Variants in CNTNAP2 observed in about 807,000 individuals in gnomAD.
CNTNAP2 encodes the protein contactin associated protein 2, also known as contactin-associated protein-like 2.
CNTNAP2 carries 98 observed loss-of-function variants against 155.2 expected under a neutral mutation model. The ratio of observed to expected loss-of-function variants is 0.63; its 90% CI spans 0.54 to 0.75. The LOEUF (loss-of-function observed/expected upper bound fraction) is 0.75, where lower values mean the gene tolerates loss of function less well. Ranked by LOEUF, CNTNAP2 falls within the 30% of genes least tolerant of loss-of-function variation. CNTNAP2 has a pLI of 0.00. For synonymous variants in CNTNAP2, 651 were observed against 631.2 expected (o/e 1.03, Z -0.47); for missense variants, 1,727 against 1,688.1 (o/e 1.02, Z -0.40).
chr7:148,153,597 G>C (rs1284642330), intron 17 of CNTNAP2, among the ~76,000 whole-genome samples: 2 of 152,180 alleles, frequency 1.3e-5, no homozygotes, highest in African/African-American at 4.8e-5. Flanking sequence ...CCGTGGGCCA[G>C]ATTTTTCTTA....
At chr7:147,355,157 C>G (rs932388243) in intron 9 of CNTNAP2, among the ~76,000 whole-genome samples, 1 of 151,716 alleles carries the variant, frequency 6.6e-6, no homozygotes, top group Non-Finnish European at 1.5e-5. Context: ...AAGTGGAACC[C>G]GTATACTTGA....
At chr7:147,206,409 A>G (rs1478560069) in intron 8 of CNTNAP2, among the ~76,000 whole-genome samples, 1 of 152,046 alleles carries the variant, frequency 6.6e-6, no homozygotes, top group Non-Finnish European at 1.5e-5. Flanking sequence ...CTAAAAATAC[A>G]AAATTTAGCC....
intron 1 of CNTNAP2, among the ~76,000 whole-genome samples, chr7:146,385,106 GT>G: frequency 6.6e-6 from 1 of 152,230 alleles, no homozygotes; most frequent in East Asian, 1.9e-4. Flanking sequence ...GATCCAATTT[GT>G]GCTGCACCCT....
intron 14 of CNTNAP2, among the ~76,000 whole-genome samples, chr7:147,949,440 G>GTATATATATATATATATA (rs57422437): frequency 0.085 from 10,710 of 125,656 alleles, 746 homozygotes; most frequent in Middle Eastern, 0.14. Flanking sequence ...TCAACTGTGT[G>GTATATATATATATATATA]TATATATATA....
intron 1 of CNTNAP2, among the ~76,000 whole-genome samples, chr7:146,503,651 A>G (rs1269699835): frequency 1.3e-5 from 2 of 152,182 alleles, no homozygotes; most frequent in African/African-American, 2.4e-5. Context: ...TCTTCTGCAC[A>G]TGGTTATCCA....
At chr7:147,407,932 T>G (rs529304480) in intron 10 of CNTNAP2, among the ~76,000 whole-genome samples, 1 of 152,226 alleles carries the variant, frequency 6.6e-6, no homozygotes, top group Non-Finnish European at 1.5e-5. Context: ...CAGATAACCA[T>G]GTCCCATTTC....
intron 1 of CNTNAP2, among the ~76,000 whole-genome samples, chr7:146,240,476 T>C (rs975626449): frequency 6.6e-6 from 1 of 151,902 alleles, no homozygotes; most frequent in Non-Finnish European, 1.5e-5. Flanking sequence ...AGAACCATAT[T>C]TGCTAATTAA....
chr7:146,357,593 G>A (rs372980061), intron 1 of CNTNAP2, among the ~76,000 whole-genome samples: 4 of 152,132 alleles, frequency 2.6e-5, no homozygotes, highest in South Asian at 4.1e-4. Context: ...ATGTTAATAC[G>A]GATATAGGAT....
chr7:148,286,139 G>A, intron 21 of CNTNAP2, among the ~76,000 whole-genome samples: 1 of 152,152 alleles, frequency 6.6e-6, no homozygotes. Context: ...AGGAAGAGGG[G>A]TTAGTCTTAC....
chr7:146,303,435 A>C (rs1335959197), intron 1 of CNTNAP2, among the ~76,000 whole-genome samples: 6 of 151,962 alleles, frequency 3.9e-5, no homozygotes, highest in Admixed American at 3.9e-4. Flanking sequence ...CATGAAATCT[A>C]CCCTTTTAAA....
At chr7:147,946,808 C>A (rs977820295) in intron 14 of CNTNAP2, among the ~76,000 whole-genome samples, 1 of 152,068 alleles carries the variant, frequency 6.6e-6, no homozygotes, top group South Asian at 2.1e-4. Context: ...CCCCTTCACC[C>A]TCTAAAGGTT....
chr7:146,972,951 T>C (rs1797832348), intron 3 of CNTNAP2, among the ~76,000 whole-genome samples: 1 of 152,198 alleles, frequency 6.6e-6, no homozygotes, highest in Non-Finnish European at 1.5e-5. Flanking sequence ...TAGCAACTGG[T>C]CACATGTGGC....
intron 9 of CNTNAP2, among the ~76,000 whole-genome samples, chr7:147,320,145 T>G (rs1584870652): frequency 6.6e-6 from 1 of 152,300 alleles, no homozygotes; most frequent in Non-Finnish European, 1.5e-5. Flanking sequence ...TTCTCACTCT[T>G]GGTCAAGATG....
chr7:146,147,416 G>A (rs1490915907), intron 1 of CNTNAP2, among the ~76,000 whole-genome samples: 1 of 152,126 alleles, frequency 6.6e-6, no homozygotes, highest in Non-Finnish European at 1.5e-5. Context: ...ATTATAGGTG[G>A]ATGGCTGGGT....
intron 21 of CNTNAP2, among the ~76,000 whole-genome samples, chr7:148,374,916 G>C (rs1054571874): frequency 6.6e-5 from 10 of 152,190 alleles, no homozygotes; most frequent in Non-Finnish European, 1.2e-4. Flanking sequence ...TGTGGTTTGA[G>C]TGACAGGTAC....
intron 13 of CNTNAP2, among the ~76,000 whole-genome samples, chr7:147,771,853 C>A (rs140884878): frequency 6.6e-6 from 1 of 151,674 alleles, no homozygotes; most frequent in African/African-American, 2.4e-5. Flanking sequence ...TTCCTATATT[C>A]TCTGAAAATT....
intron 1 of CNTNAP2, among the ~76,000 whole-genome samples, chr7:146,268,662 C>A (rs1800031924): frequency 6.6e-6 from 1 of 152,046 alleles, no homozygotes; most frequent in African/African-American, 2.4e-5. Context: ...CTAAAGACAC[C>A]CAAATGAAAA....
chr7:147,589,662 G>C (rs1292473138), intron 12 of CNTNAP2, among the ~76,000 whole-genome samples: 2 of 152,224 alleles, frequency 1.3e-5, no homozygotes, highest in East Asian at 3.9e-4. Context: ...GTATATGCCT[G>C]TATCATAGTG....
intron 1 of CNTNAP2, among the ~76,000 whole-genome samples, chr7:146,371,263 T>C (rs1795229668): frequency 1.3e-5 from 2 of 151,966 alleles, no homozygotes; most frequent in Admixed American, 1.3e-4. Flanking sequence ...TTTAACAACA[T>C]ACAGTGTTAA....
Sources: gnomAD v4.1 joint callset for allele counts (sites outside exome capture counted in the v4.1 genomes callset) on GRCh38, gnomAD v4.1.1 for gene constraint, MANE v1.5 for transcripts, NCBI Gene and HGNC (gene_info 2026-07-23, HGNC 2026-07-21) for gene names.